Variants in GPLD1 observed in about 807,000 individuals in gnomAD.
The protein encoded by GPLD1 is glycosylphosphatidylinositol specific phospholipase D1.
Under a neutral mutation model 112.6 loss-of-function variants are expected in GPLD1, and 84 were observed. The observed-to-expected ratio is 0.75, with a 90% CI of 0.63 to 0.89. The LOEUF (loss-of-function observed/expected upper bound fraction) is 0.89. GPLD1 is among the 40% of genes least tolerant of loss of function. The pLI is 0.00. For synonymous variants in GPLD1, 386 were observed against 403.8 expected (o/e 0.96, Z 0.53); for missense variants, 1,044 against 1,051.5 (o/e 0.99, Z 0.10).
rs1248811966 is a variant in GPLD1 at position 24,447,952 on chromosome 6, G to A, written c.1603C>T (p.Pro535Ser). 6.2e-7 allele frequency: 1 copy of A among 1,613,724 alleles called. No individual in the cohort carries two copies. Among genetic ancestry groups the A allele is most frequent in the Non-Finnish European group, 8.5e-7 (1 of 1,179,994 alleles). ...DSEPDLVIGS[P>S]FAPGGGKQKG... is the part of the protein sequence containing the mutation. ...TGCTTCCCTCCACCTGGTGCAAAAGGGGAGCCGATGACCAGATCGGGTTCA... is the reference window on the plus strand; with the variant it reads ...TGCTTCCCTCCACCTGGTGCAAAAGAGGAGCCGATGACCAGATCGGGTTCA... Residue 535 changes from proline to serine, a missense_variant, in exon 17 of 25, where the codon CCT becomes TCT. Pro to Ser is a moderately conservative substitution (Grantham distance 74, BLOSUM62 -1). Coordinates refer to ENST00000230036, the MANE Select transcript of GPLD1 (RefSeq NM_001503.4).
In GPLD1 at chr6:24,428,838, T is replaced by C. The variant is rs571652239; in HGVS notation, c.*194A>G. 8 of 444,384 alleles carry C rather than the reference T, an allele frequency of 1.8e-5. No homozygotes were observed. The highest frequency in any genetic ancestry group is 3.9e-5 in the Admixed American group (1 of 25,446). 27.5% of individuals were successfully genotyped at this position (444,384 alleles called of 1,614,324 possible). On this transcript the variant is annotated 3_prime_UTR_variant, in exon 25 of 25. Coordinates refer to ENST00000230036, the MANE Select transcript of GPLD1 (RefSeq NM_001503.4). The stretch of plus-strand genomic sequence containing the variant: ...TGTCTGCTATTTCACATATTTCTGG[T>C]GCAGTCATATATTTACTGTATCAGA...
chr6:24,465,692 A>G (rs910103932), intron 10 of GPLD1, among the ~76,000 whole-genome samples: 1 of 152,154 alleles, frequency 6.6e-6, no homozygotes, highest in Non-Finnish European at 1.5e-5. Context: ...GGGGACAATC[A>G]CAGTCTACCT....
chr6:24,482,352 C>G, intron 2 of GPLD1, among the ~76,000 whole-genome samples: 1 of 151,982 alleles, frequency 6.6e-6, no homozygotes, highest in East Asian at 1.9e-4. Context: ...ATGATCTCGG[C>G]TCACTGCAAC....
intron 12 of GPLD1, 21 bp from the exon 13 acceptor site, chr6:24,456,658 T>G (rs754711954): frequency 2.6e-6 from 4 of 1,560,902 alleles, no homozygotes; most frequent in East Asian, 2.2e-5. Flanking sequence ...AGAATCATTA[T>G]AGACAGTAAA....
chr6:24,469,290 A>G lies in GPLD1; in HGVS notation c.546-2016T>C, dbSNP rs554935639. ...ATCCCATTACTGGGTATATACCCAA[A>G]TGACTATAAATCATGCTGCTATAAA... On this transcript the variant is annotated intron_variant, in intron 7 of 24. Coordinates refer to ENST00000230036, the MANE Select transcript of GPLD1 (RefSeq NM_001503.4). Among the ~76,000 whole-genome samples, 3 of 142,066 alleles carry G rather than the reference A, an allele frequency of 2.1e-5. No homozygotes were observed. The East Asian group carries it at 6.2e-4, about 30-fold the overall frequency. The allele number at this position is 142,066 out of a possible 152,430, so 93.2% of individuals were successfully genotyped here.
chr6:24,463,887 A>G (rs1312310480), intron 10 of GPLD1, among the ~76,000 whole-genome samples: 2 of 152,240 alleles, frequency 1.3e-5, no homozygotes, highest in Admixed American at 6.5e-5. Flanking sequence ...ATATGTATGC[A>G]AACAAGCAAT....
Position 24,466,776 on chromosome 6 carries a change from T to C in GPLD1, c.725A>G (p.Gln242Arg). ...TCCTCCAAGAAAATACTCTTGGAAT[T>C]GTTCCACCAAAAACGGGGACTTTGT... ...YSTKSPFLVE[Q>R]FQEYFLGGLD... Residue 242 changes from glutamine to arginine, a missense_variant, in exon 10 of 25, where the codon CAA (glutamine) becomes CGA (arginine). Physicochemically the swap from Gln to Arg is conservative, Grantham distance 43 (BLOSUM62 1). Transcript: ENST00000230036. The C allele has an allele frequency of 6.2e-7, 1 of 1,611,940 alleles. No individual in the cohort carries two copies. Among genetic ancestry groups the C allele is most frequent in the South Asian group, 1.1e-5 (1 of 91,026 alleles).
chr6:24,454,145 G>A lies in GPLD1; in HGVS notation c.1205C>T (p.Ala402Val), dbSNP rs1763188387. ...QDGHGDLVVGAPGYSRPGHIH... is the reference protein window; with the variant it reads ...QDGHGDLVVGVPGYSRPGHIH... ...GTGGCCGGGGCGGCTGTAGCCTGGTGCGCCCACCACGAGGTCACCGTGCCC... is the reference window on the plus strand; with the variant it reads ...GTGGCCGGGGCGGCTGTAGCCTGGTACGCCCACCACGAGGTCACCGTGCCC... The change falls in exon 14 of 25, where the codon GCA becomes GTA. Residue 402 changes from alanine (A) to valine (V), a missense_variant. By Grantham distance (64) the Ala-to-Val change is moderately conservative. Transcript: ENST00000230036. 1 of 1,614,022 alleles carries A rather than the reference G, an allele frequency of 6.2e-7. No homozygotes were observed. Among genetic ancestry groups the A allele is most frequent in the South Asian group, 1.1e-5 (1 of 91,052 alleles).
At chr6:24,472,748 G>GT in intron 6 of GPLD1, 112 bp from the exon 7 acceptor site, 2 of 649,968 alleles carry the variant, frequency 3.1e-6, no homozygotes, top group Non-Finnish European at 5.5e-6. Flanking sequence ...ATTATTACAT[G>GT]TTTTTGTTCA....
At chr6:24,474,174 TACACACACACACACAC>T (rs56324939) in intron 5 of GPLD1, among the ~76,000 whole-genome samples, 1 of 145,536 alleles carries the variant, frequency 6.9e-6, no homozygotes. Context: ...CACACCCACA[TACACACACACACACAC>T]ACACACACAC....
chr6:24,462,822 C>A, intron 10 of GPLD1, 27 bp from the exon 11 acceptor site: 1 of 1,500,960 alleles, frequency 6.7e-7, no homozygotes, highest in Non-Finnish European at 9.3e-7. Context: ...ATGAGTTAGC[C>A]ATTTATCTAC....
In GPLD1 at chr6:24,447,082, T is replaced by C. The variant is rs922570996; in HGVS notation, c.1679-103A>G. 98 of 1,067,080 alleles carry C rather than the reference T, an allele frequency of 9.2e-5. No homozygotes were observed. The Middle Eastern group carries it at 2.2e-3, about 24-fold the overall frequency. 66.1% of individuals were successfully genotyped at this position (1,067,080 alleles called of 1,614,324 possible). A position where few individuals can be genotyped will look rare whatever the true frequency, so the allele number is the denominator to read the frequency against. On this transcript the variant is annotated intron_variant, in intron 17 of 24. Coordinates refer to ENST00000230036, the MANE Select transcript of GPLD1 (RefSeq NM_001503.4). ...GTAGCCTAATAGAAGTGGGTTCATT[T>C]TGCTGAGTTTTTGCCAGAGGTCTTA...
At chr6:24,474,050 T>G (rs9295625) in intron 5 of GPLD1, among the ~76,000 whole-genome samples, 1 of 151,522 alleles carries the variant, frequency 6.6e-6, no homozygotes, top group African/African-American at 2.4e-5. Context: ...CACTTGCACC[T>G]GGGAGGCAGA....
Position 24,446,895 on chromosome 6 carries a change from G to T in GPLD1, c.1763C>A (p.Thr588Asn). 1 of 1,614,080 alleles carries T rather than the reference G, an allele frequency of 6.2e-7. No individual in the cohort carries two copies. ...SWFGYSLHGV[T>N]VDNRTLLLVG... ...CAACAGCAAGGTTCTGTTGTCCACA[G>T]TGACACCGTGAAGGGAATATCCAAA... Residue 588 changes from threonine to asparagine, a missense_variant, in exon 18 of 25, where the codon ACT (threonine) becomes AAT (asparagine). By Grantham distance (65) the Thr-to-Asn change is moderately conservative. Transcript: ENST00000230036.
chr6:24,493,547 T>C (rs188822184), upstream of GPLD1, among the ~76,000 whole-genome samples: 57 of 152,010 alleles, frequency 3.7e-4, no homozygotes, highest in African/African-American at 1.3e-3. Flanking sequence ...AAAAACTCCC[T>C]CCGCAGGCAG....
At position 24,469,147 on chromosome 6, in the gene GPLD1, T is replaced by C. The variant is rs959414613; in HGVS notation, c.546-1873A>G. 2.6e-5 allele frequency among the ~76,000 whole-genome samples: 4 copies of C among 152,014 alleles called. 1 individual carries two copies. Among genetic ancestry groups the C allele is most frequent in the Admixed American group, 2.6e-4 (4 of 15,252 alleles). On this transcript the variant is annotated intron_variant, in intron 7 of 24. Coordinates refer to ENST00000230036, the MANE Select transcript of GPLD1 (RefSeq NM_001503.4). ...GAAACAACAGGTGCTGGAGAGGATG[T>C]GGAGAAATAGGAACACTCTTACACT...
intron 1 of GPLD1, among the ~76,000 whole-genome samples, chr6:24,486,488 G>A (rs190486371): frequency 1.3e-5 from 2 of 152,240 alleles, no homozygotes; most frequent in African/African-American, 2.4e-5. Context: ...TAAGTGACAA[G>A]CACAGTGGCT....
chr6:24,450,116 G>A (rs1265946959), intron 14 of GPLD1, among the ~76,000 whole-genome samples: 1 of 152,210 alleles, frequency 6.6e-6, no homozygotes, highest in Non-Finnish European at 1.5e-5. Flanking sequence ...GGGAAGCAGA[G>A]ATGCCAGAAA....
At chr6:24,463,881 G>A (rs1434536511) in intron 10 of GPLD1, among the ~76,000 whole-genome samples, 10 of 152,144 alleles carry the variant, frequency 6.6e-5, no homozygotes, top group Admixed American at 6.5e-4. Flanking sequence ...CTTTGTATAT[G>A]TATGCAAACA....
Sources: gnomAD v4.1 joint callset for allele counts (sites outside exome capture counted in the v4.1 genomes callset) on GRCh38, gnomAD v4.1.1 for gene constraint, MANE v1.5 for transcripts, NCBI Gene and HGNC (gene_info 2026-07-23, HGNC 2026-07-21) for gene names.